Variants in LPA observed in about 807,000 individuals in gnomAD.
LPA encodes the protein lipoprotein(a).
In LPA, 199 loss-of-function variants were observed where a neutral mutation model predicts 197.9. The ratio of observed to expected loss-of-function variants is 1.01; its 90% confidence interval spans 0.90 to 1.13. The LOEUF is 1.13. Among genes scored for constraint, LPA ranks in the 50% most tolerant of loss-of-function variants. LPA has a pLI of 0.00. For synonymous variants in LPA, 715 were observed against 639.5 expected (o/e 1.12, Z -1.78); for missense variants, 1,853 against 1,785.8 (o/e 1.04, Z -0.68).
chr6:160,651,293 G>A (rs929658957), intron 1 of LPA, among the ~76,000 whole-genome samples: 2 of 152,168 alleles, frequency 1.3e-5, no homozygotes, highest in African/African-American at 4.8e-5. Flanking sequence ...AATGGGGTTA[G>A]ATTATGTGTA....
At position 160,606,500 on chromosome 6, in the gene LPA, C is replaced by A. The variant is rs747169491; in HGVS notation, c.2762G>T (p.Ser921Ile). 6.2e-7 allele frequency: 1 copy of A among 1,613,518 alleles called. No homozygotes were observed. The change falls in exon 17 of 39, where the codon AGC becomes ATC. Residue 921 changes from serine (S) to isoleucine (I), a missense_variant. Coordinates refer to ENST00000316300, the MANE Select transcript of LPA (RefSeq NM_005577.4). ...VAPPTITPIP[S>I]LEAPSEQAPT... ...ACCTTGTTCAGAAGGAGCCTCTAGG[C>A]TTGGAATCGGGGTAATAGTTGGAGG...
At chr6:160,567,925 C>A (rs9365174) in intron 28 of LPA, among the ~76,000 whole-genome samples, 46,286 of 151,970 alleles carry the variant, frequency 0.3, 7,402 homozygotes, top group East Asian at 0.4. Flanking sequence ...GACACATACA[C>A]CCTACCAAGA....
In LPA at chr6:160,605,184, C is replaced by T. The variant is rs762182030; in HGVS notation, c.2807G>A (p.Gly936Glu). 6.2e-7 allele frequency: 1 copy of T among 1,613,754 alleles called. No homozygotes were observed. The highest frequency in any genetic ancestry group is 1.7e-5 in the Admixed American group (1 of 59,990). The change falls in exon 18 of 39, where the codon GGG becomes GAG. Residue 936 changes from glycine (G) to glutamate (E), a missense_variant. Physicochemically the swap from Gly to Glu is moderately conservative, Grantham distance 98. Coordinates refer to ENST00000316300, the MANE Select transcript of LPA (RefSeq NM_005577.4). Reference protein sequence around the residue: ...SEQAPTEQRPGVQECYHGNGQ... With the variant: ...SEQAPTEQRPEVQECYHGNGQ... ...ATTTCCGTGGTAGCACTCCTGCACC[C>T]CAGGCCTTTGCTCAGTTGGTGCTGA...
chr6:160,542,645 T>C (rs1777999252), intron 34 of LPA, 43 bp downstream of exon 34: 10 of 1,611,298 alleles, frequency 6.2e-6, no homozygotes, highest in Non-Finnish European at 8.5e-6. Context: ...TTGTGGGGCT[T>C]ACATGGAAGG....
intron 1 of LPA, among the ~76,000 whole-genome samples, chr6:160,658,874 T>TTA (rs997153544): frequency 0.01 from 1,368 of 134,274 alleles, 15 homozygotes; most frequent in African/African-American, 0.033. Context: ...TAATAGGAGA[T>TTA]TATATATATA....
Position 160,612,981 on chromosome 6 carries a change from CGCGACG to C in LPA, c.2388_2393del (p.Val797_Ala798del). ...TTGGAACCGGGGTAACAGTCGGAGG[CGCGACG>C]GCAGTCCCTTCTGCGTCTGAGCATT... On this transcript the variant is annotated inframe_deletion, in exon 15 of 39. Coordinates refer to ENST00000316300, the MANE Select transcript of LPA (RefSeq NM_005577.4). 3.0e-6 allele frequency: 1 copy of C among 336,512 alleles called. No individual in the cohort carries two copies. Among genetic ancestry groups the C allele is most frequent in the Non-Finnish European group, 5.5e-6 (1 of 181,316 alleles). 20.8% of individuals were successfully genotyped at this position (336,512 alleles called of 1,614,324 possible). A position where few individuals can be genotyped will look rare whatever the true frequency, so the allele number is the denominator to read the frequency against.
intron 30 of LPA, among the ~76,000 whole-genome samples, chr6:160,553,901 G>A (rs1778205700): frequency 1.4e-5 from 2 of 139,870 alleles, no homozygotes; most frequent in African/African-American, 5.4e-5. Context: ...ATTTTTTTCA[G>A]CCTTTCTCTC....
intron 16 of LPA, among the ~76,000 whole-genome samples, chr6:160,607,532 G>A (rs1212466271): frequency 6.6e-6 from 1 of 152,128 alleles, no homozygotes; most frequent in East Asian, 1.9e-4. Context: ...ACTGCATTAG[G>A]GGGCAAAGCA....
chr6:160,626,584 CTTTT>C (rs1166627141), intron 10 of LPA, among the ~76,000 whole-genome samples: 1 of 121,196 alleles, frequency 8.3e-6, no homozygotes, highest in African/African-American at 3.7e-5. Context: ...TTAAGACATA[CTTTT>C]TTTATACTAG....
chr6:160,536,068 T>A (rs2114994494), intron 37 of LPA, among the ~76,000 whole-genome samples: 1 of 152,276 alleles, frequency 6.6e-6, no homozygotes, highest in Admixed American at 6.5e-5. Context: ...CAGTGATGGG[T>A]TCAGGGGCAG....
Position 160,576,390 on chromosome 6 carries a change from G to GTATA in LPA, c.4631+742_4631+745dup, listed in dbSNP as rs140486548. Among the ~76,000 whole-genome samples the GTATA allele has an allele frequency of 2.2e-3, 101 of 46,084 alleles. 1 individual carries two copies. Among genetic ancestry groups the GTATA allele is most frequent in the South Asian group, 7.1e-3 (10 of 1,414 alleles). 30.2% of individuals were successfully genotyped at this position (46,084 alleles called of 152,430 possible). A position where few individuals can be genotyped will look rare whatever the true frequency, so the allele number is the denominator to read the frequency against. On this transcript the variant is annotated intron_variant, in intron 28 of 38. Transcript: ENST00000316300. ...TACATATATATATATATATATATAT[G>GTATA]TATATATATATATATATATATATAT...
In LPA at chr6:160,589,634, G is replaced by A. The variant is rs748934590; in HGVS notation, c.3866C>T (p.Thr1289Ile). The A allele has an allele frequency of 1.2e-6, 2 of 1,614,008 alleles. No homozygotes were observed. The highest frequency in any genetic ancestry group is 1.7e-6 in the Non-Finnish European group (2 of 1,179,886). Residue 1289 changes from threonine (T) to isoleucine (I), a missense_variant, in exon 24 of 39, where the codon ACT becomes ATT. Thr to Ile is a moderately conservative substitution (Grantham distance 89, BLOSUM62 -1). This residue lies in a region of LPA where 1,737 missense variants were observed against 1,504.4 expected (regional missense o/e 1.15). Transcript: ENST00000316300. Reference sequence around the variant, plus strand: ...AGACTGACATGTCCTTCCTGTAACAGTGGTGGAGAATGAGCCTCGATAACT... The same window carrying A: ...AGACTGACATGTCCTTCCTGTAACAATGGTGGAGAATGAGCCTCGATAACT... ...GQSYRGSFST[T>I]VTGRTCQSWS...
chr6:160,585,157 C>G lies in LPA; in HGVS notation c.4178G>C (p.Gly1393Ala), dbSNP rs1271025650. 1 of 1,613,830 alleles carries G rather than the reference C, an allele frequency of 6.2e-7. No homozygotes were observed. Among genetic ancestry groups the G allele is most frequent in the South Asian group, 1.1e-5 (1 of 91,072 alleles). ...GGAGAGTGTGCCTCGATAACTCTGT[C>G]CATCACCTCGGTAGCAGTCCTGGAC... ...TGVQDCYRGD[G>A]QSYRGTLSTT... is the part of the protein sequence containing the mutation. Residue 1393 changes from glycine to alanine, a missense_variant, in exon 26 of 39, where the codon GGA becomes GCA. Gly to Ala is a moderately conservative substitution (Grantham distance 60). Transcript: ENST00000316300.
chr6:160,601,961 C>T (rs1383773142), intron 18 of LPA, among the ~76,000 whole-genome samples: 3 of 152,136 alleles, frequency 2.0e-5, no homozygotes, highest in Non-Finnish European at 2.9e-5. Flanking sequence ...CTATGGAGGA[C>T]CTCAGGCTGG....
chr6:160,595,572 G>C, intron 20 of LPA, 37 bp from the exon 21 acceptor site: 15 of 1,613,680 alleles, frequency 9.3e-6, no homozygotes, highest in Non-Finnish European at 1.3e-5. Context: ...ACCAGAGATG[G>C]GAGAAGATTC....
intron 1 of LPA, among the ~76,000 whole-genome samples, chr6:160,659,950 A>G (rs1780196468): frequency 6.6e-6 from 1 of 152,262 alleles, no homozygotes; most frequent in African/African-American, 2.4e-5. Flanking sequence ...AAGATAAGTC[A>G]ATGCGTAGAA....
intron 30 of LPA, among the ~76,000 whole-genome samples, chr6:160,553,756 C>T (rs570574487): frequency 1.2e-4 from 18 of 152,266 alleles, no homozygotes; most frequent in East Asian, 1.9e-4. Context: ...TTTCTTCATA[C>T]GTGTAAAGTC....
intron 33 of LPA, among the ~76,000 whole-genome samples, chr6:160,545,175 C>A (rs761122941): frequency 1.3e-5 from 2 of 151,900 alleles, no homozygotes; most frequent in Non-Finnish European, 2.9e-5. Flanking sequence ...CTGATTAGAT[C>A]ACCTCTAAGT....
At chr6:160,574,542 C>T (rs919051823) in intron 28 of LPA, among the ~76,000 whole-genome samples, 1 of 152,118 alleles carries the variant, frequency 6.6e-6, no homozygotes, top group Non-Finnish European at 1.5e-5. Flanking sequence ...CAGGAATGAG[C>T]TGCTTGGGGA....
Sources: allele counts gnomAD v4.1 joint callset (sites outside exome capture counted in the v4.1 genomes callset), GRCh38; gene constraint gnomAD v4.1.1; regional missense constraint gnomAD v4.1.1; transcripts MANE v1.5; gene names NCBI Gene and HGNC (gene_info 2026-07-23, HGNC 2026-07-21).